Variants in CNTLN observed in about 807,000 individuals in gnomAD.
CNTLN encodes centlein, also known as centlein, centrosomal protein.
A neutral mutation model predicts 180.0 loss-of-function variants in CNTLN; 212 were observed. The observed-to-expected ratio is 1.18, with a 90% confidence interval of 1.05 to 1.32. CNTLN has a LOEUF of 1.32. Ranked by LOEUF, CNTLN falls within the 40% of genes most tolerant of loss-of-function variation. The pLI is 0.00. For synonymous variants in CNTLN, 722 were observed against 563.1 expected (o/e 1.28, Z -3.99); for missense variants, 2,095 against 1,610.9 (o/e 1.30, Z -5.14).
rs201102820 is a variant in CNTLN, at chr9:17,290,552, T to G, written c.984-7638T>G. ...TGGGCTCCACCCAGTTCGAGCTTCC[T>G]GGCTGCTTTGTTTACCTAAGGAAGC... On this transcript the variant is annotated intron_variant, in intron 6 of 25. Transcript: ENST00000380647. 2.4e-4 allele frequency among the ~76,000 whole-genome samples: 33 copies of G among 140,148 alleles called. 2 individuals carry two copies. The highest frequency in any genetic ancestry group is 1.6e-5 in the Non-Finnish European group (1 of 63,122). 91.9% of individuals were successfully genotyped at this position (140,148 alleles called of 152,430 possible).
intron 18 of CNTLN, among the ~76,000 whole-genome samples, chr9:17,420,526 A>G (rs1017370028): frequency 2.7e-5 from 4 of 150,682 alleles, no homozygotes; most frequent in African/African-American, 7.3e-5. Context: ...GATTTTTTTC[A>G]TATTGTTTTG....
At chr9:17,323,542 A>G (rs2133057209) in intron 8 of CNTLN, among the ~76,000 whole-genome samples, 1 of 152,322 alleles carries the variant, frequency 6.6e-6, no homozygotes, top group Non-Finnish European at 1.5e-5. Flanking sequence ...CAAAGAACCT[A>G]ATCGTGTTCT....
chr9:17,459,227 A>G (rs546920830), intron 19 of CNTLN, among the ~76,000 whole-genome samples: 28 of 152,024 alleles, frequency 1.8e-4, no homozygotes, highest in African/African-American at 6.0e-4. Context: ...TTTACTTACT[A>G]CAAATGGTCT....
At chr9:17,218,335 A>T (rs1264130279) in intron 2 of CNTLN, among the ~76,000 whole-genome samples, 1 of 152,128 alleles carries the variant, frequency 6.6e-6, no homozygotes, top group Admixed American at 6.6e-5. Context: ...TCCACATATT[A>T]AAGTTTTCTT....
intron 20 of CNTLN, among the ~76,000 whole-genome samples, chr9:17,463,966 G>T (rs893513928): frequency 1.3e-5 from 2 of 151,366 alleles, no homozygotes; most frequent in Non-Finnish European, 3.0e-5. Context: ...AGTAGCAGTG[G>T]TTCTCACAGC....
intron 25 of CNTLN, among the ~76,000 whole-genome samples, chr9:17,495,475 C>T (rs1163227150): frequency 6.6e-6 from 1 of 151,832 alleles, no homozygotes; most frequent in African/African-American, 2.4e-5. Context: ...TAAAAAAATA[C>T]AAAATTATTT....
At chr9:17,295,513 C>A (rs1466480597) in intron 6 of CNTLN, among the ~76,000 whole-genome samples, 1 of 152,140 alleles carries the variant, frequency 6.6e-6, no homozygotes, top group Non-Finnish European at 1.5e-5. Context: ...GTTGTGCCAG[C>A]TGCCTAGTCA....
At chr9:17,411,548 C>G (rs1052969744) in intron 16 of CNTLN, among the ~76,000 whole-genome samples, 1 of 152,146 alleles carries the variant, frequency 6.6e-6, no homozygotes, top group East Asian at 1.9e-4. Flanking sequence ...CAGACTGGCA[C>G]CTGTTGTGGC....
intron 2 of CNTLN, among the ~76,000 whole-genome samples, chr9:17,165,841 C>G (rs1008896889): frequency 3.3e-5 from 5 of 152,168 alleles, no homozygotes; most frequent in African/African-American, 1.2e-4. Flanking sequence ...TAATTCTTCT[C>G]TGGAGAAACT....
At chr9:17,395,110 C>A in intron 15 of CNTLN, 41 bp downstream of exon 15, 2 of 1,548,942 alleles carry the variant, frequency 1.3e-6, no homozygotes, top group Non-Finnish European at 1.7e-6. Flanking sequence ...GGGGACACTG[C>A]GCATATGTAA....
intron 7 of CNTLN, chr9:17,299,403 G>A (rs1267413938): frequency 1.1e-6 from 1 of 942,650 alleles, no homozygotes; most frequent in South Asian, 4.9e-5. Context: ...ATAATACACA[G>A]TTCATATTAT....
chr9:17,156,477 C>A (rs900122251), intron 2 of CNTLN, among the ~76,000 whole-genome samples: 2 of 152,034 alleles, frequency 1.3e-5, no homozygotes, highest in African/African-American at 4.8e-5. Context: ...TATATAGGTT[C>A]ATTTTTTTCC....
At chr9:17,366,275 G>A (rs1038776004) in intron 12 of CNTLN, among the ~76,000 whole-genome samples, 11 of 149,454 alleles carry the variant, frequency 7.4e-5, no homozygotes, top group Admixed American at 2.7e-4. Flanking sequence ...ACAGGTGCGC[G>A]TAACCATGAT....
rs561222163 is a variant in CNTLN at position 17,183,509 on chromosome 9, A to G, written c.449+40133A>G. On this transcript the variant is annotated intron_variant, in intron 2 of 25. Coordinates refer to ENST00000380647, the MANE Select transcript of CNTLN (RefSeq NM_017738.4). ...TTTTTTTTTTGTAAAAAAGGAGAAG[A>G]ATATAAGTGTTTAAATAGAATTGCA... is the stretch of plus-strand genomic sequence containing the variant. 1.7e-3 allele frequency among the ~76,000 whole-genome samples: 259 copies of G among 152,104 alleles called. 2 individuals carry two copies. The South Asian group carries it at 0.023, about 14-fold the overall frequency.
chr9:17,470,345 A>T (rs1391661595), intron 23 of CNTLN, among the ~76,000 whole-genome samples: 1 of 151,968 alleles, frequency 6.6e-6, no homozygotes, highest in Non-Finnish European at 1.5e-5. Flanking sequence ...GAACATTATG[A>T]TCACCAGGAC....
At chr9:17,277,707 A>G (rs1207380343) in intron 6 of CNTLN, among the ~76,000 whole-genome samples, 1 of 152,124 alleles carries the variant, frequency 6.6e-6, no homozygotes, top group African/African-American at 2.4e-5. Context: ...AGTATATAAA[A>G]CTTAATTGCA....
At chr9:17,302,258 A>G (rs1818422139) in intron 7 of CNTLN, among the ~76,000 whole-genome samples, 1 of 150,394 alleles carries the variant, frequency 6.6e-6, no homozygotes, top group Non-Finnish European at 1.5e-5. Context: ...GTGCAGTGGC[A>G]CGATCTCGAC....
chr9:17,215,214 C>T (rs189257571), intron 2 of CNTLN, among the ~76,000 whole-genome samples: 25 of 152,280 alleles, frequency 1.6e-4, no homozygotes, highest in African/African-American at 5.8e-4. Flanking sequence ...ATGATGGTGA[C>T]GTACAGATGG....
At chr9:17,247,405 G>A (rs1048608391) in intron 5 of CNTLN, among the ~76,000 whole-genome samples, 2 of 152,174 alleles carry the variant, frequency 1.3e-5, no homozygotes, top group Admixed American at 6.5e-5. Flanking sequence ...TACTATGACA[G>A]AGTAGCACTG....
Sources: allele counts gnomAD v4.1 joint callset (sites outside exome capture counted in the v4.1 genomes callset), GRCh38; gene constraint gnomAD v4.1.1; transcripts MANE v1.5; gene names NCBI Gene and HGNC (gene_info 2026-07-23, HGNC 2026-07-21).